Variants in WDR72 observed in about 807,000 individuals in gnomAD.
The protein encoded by WDR72 is WD repeat domain 72.
Under a neutral mutation model 124.2 loss-of-function variants are expected in WDR72, and 120 were observed. The ratio of observed to expected loss-of-function variants is 0.97; its 90% confidence interval spans 0.83 to 1.12. WDR72 has a LOEUF of 1.12. Ranked by LOEUF, WDR72 falls within the 50% of genes most tolerant of loss-of-function variation. WDR72 has a pLI of 0.00. For missense variants in WDR72, 1,387 were observed against 1,278.8 expected, an observed-to-expected ratio of 1.08 and a Z score of -1.29; for synonymous variants, 452 against 441.7, an observed-to-expected ratio of 1.02 and a Z score of -0.29.
chr15:53,552,927 G>C (rs947126570), intron 18 of WDR72, among the ~76,000 whole-genome samples: 4 of 152,046 alleles, frequency 2.6e-5, no homozygotes, highest in Non-Finnish European at 5.9e-5. Flanking sequence ...GAGCTCTATA[G>C]GAAGCGGTGG....
At chr15:53,648,959 G>A (rs2015140393) in intron 14 of WDR72, among the ~76,000 whole-genome samples, 1 of 149,710 alleles carries the variant, frequency 6.7e-6, no homozygotes, top group South Asian at 2.1e-4. Flanking sequence ...CTCCCAAATT[G>A]AGCAAAACCA....
chr15:53,681,142 T>C (rs1377952182), intron 13 of WDR72, among the ~76,000 whole-genome samples: 2 of 152,192 alleles, frequency 1.3e-5, no homozygotes. Flanking sequence ...GCATCCAGTA[T>C]CCTTTATCTC....
At chr15:53,728,462 T>C (rs2018106660) in intron 2 of WDR72, among the ~76,000 whole-genome samples, 2 of 152,168 alleles carry the variant, frequency 1.3e-5, no homozygotes, top group Non-Finnish European at 2.9e-5. Flanking sequence ...AGAGTAGTGT[T>C]TAAATCCCCA....
intron 6 of WDR72, 126 bp downstream of exon 6, chr15:53,714,308 T>C (rs900949070): frequency 1.9e-5 from 15 of 800,698 alleles, no homozygotes; most frequent in Middle Eastern, 3.0e-4. Context: ...TATATGGAAG[T>C]AGAATTTATA....
chr15:53,530,728 A>T (rs929412603), intron 18 of WDR72, among the ~76,000 whole-genome samples: 1 of 152,088 alleles, frequency 6.6e-6, no homozygotes, highest in African/African-American at 2.4e-5. Context: ...AGCATTTGAG[A>T]CTAGAGATAA....
At chr15:53,698,964 CAT>C (rs1239337976) in intron 13 of WDR72, among the ~76,000 whole-genome samples, 2 of 152,192 alleles carry the variant, frequency 1.3e-5, no homozygotes, top group African/African-American at 4.8e-5. Context: ...ATCACTTACA[CAT>C]GACAGTAAAA....
intron 1 of WDR72, among the ~76,000 whole-genome samples, chr15:53,758,541 A>G (rs147012396): frequency 6.6e-6 from 1 of 151,878 alleles, no homozygotes; most frequent in African/African-American, 2.4e-5. Flanking sequence ...GATGTTTACA[A>G]AAAAAAAGCT....
chr15:53,753,958 T>C (rs979685877), intron 1 of WDR72, among the ~76,000 whole-genome samples: 6 of 152,254 alleles, frequency 3.9e-5, no homozygotes, highest in Non-Finnish European at 8.8e-5. Context: ...TCAAAGCCCA[T>C]ACCACTTCTT....
chr15:53,673,654 T>G (rs1056360664), intron 13 of WDR72, among the ~76,000 whole-genome samples: 1 of 152,120 alleles, frequency 6.6e-6, no homozygotes, highest in Non-Finnish European at 1.5e-5. Context: ...ATATTCTGCT[T>G]ATTATTGGAT....
chr15:53,683,890 C>A (rs983463311), intron 13 of WDR72, among the ~76,000 whole-genome samples: 3 of 152,058 alleles, frequency 2.0e-5, no homozygotes, highest in African/African-American at 4.8e-5. Flanking sequence ...TTGAGTAATT[C>A]AAAATCTCTT....
intron 18 of WDR72, among the ~76,000 whole-genome samples, chr15:53,541,269 G>A (rs372475045): frequency 3.3e-5 from 5 of 152,178 alleles, no homozygotes; most frequent in South Asian, 2.1e-4. Context: ...GAGAGCAGTG[G>A]TTCTCCCAGT....
At chr15:53,566,515 T>C (rs1490802420) in intron 18 of WDR72, among the ~76,000 whole-genome samples, 3 of 151,900 alleles carry the variant, frequency 2.0e-5, no homozygotes, top group Non-Finnish European at 4.4e-5. Flanking sequence ...CAGTGGGAGA[T>C]ATCTACTGCC....
At chr15:53,666,038 A>T (rs2015768848) in intron 13 of WDR72, among the ~76,000 whole-genome samples, 1 of 152,206 alleles carries the variant, frequency 6.6e-6, no homozygotes, top group African/African-American at 2.4e-5. Context: ...CTTTAATAGT[A>T]AAATCTCTTA....
At chr15:53,678,423 A>T (rs1020310193) in intron 13 of WDR72, among the ~76,000 whole-genome samples, 1 of 152,192 alleles carries the variant, frequency 6.6e-6, no homozygotes, top group Non-Finnish European at 1.5e-5. Context: ...TATAGCCAGT[A>T]GTCTTTGGTG....
At chr15:53,701,155 G>A (rs190096246) in intron 12 of WDR72, among the ~76,000 whole-genome samples, 232 of 152,150 alleles carry the variant, frequency 1.5e-3, no homozygotes, top group Admixed American at 3.1e-3. Flanking sequence ...TACCTAAAGC[G>A]ATTTCATTTT....
intron 3 of WDR72, among the ~76,000 whole-genome samples, chr15:53,721,172 G>T (rs1354517147): frequency 6.6e-6 from 1 of 152,120 alleles, no homozygotes; most frequent in Non-Finnish European, 1.5e-5. Context: ...CTTGGTGAAG[G>T]AGGACAGCTA....
At chr15:53,712,263 T>A (rs1172550136) in intron 7 of WDR72, among the ~76,000 whole-genome samples, 1 of 152,146 alleles carries the variant, frequency 6.6e-6, no homozygotes, top group Admixed American at 6.5e-5. Context: ...ATATTAAATA[T>A]GTAGTAGTAT....
At chr15:53,590,215 C>T (rs1228495362) in intron 18 of WDR72, among the ~76,000 whole-genome samples, 2 of 151,844 alleles carry the variant, frequency 1.3e-5, no homozygotes, top group Non-Finnish European at 2.9e-5. Flanking sequence ...TCCCCTGTAC[C>T]CCCAACCCTT....
At chr15:53,553,780 A>G (rs1334154705) in intron 18 of WDR72, among the ~76,000 whole-genome samples, 1 of 152,182 alleles carries the variant, frequency 6.6e-6, no homozygotes, top group African/African-American at 2.4e-5. Context: ...ATTAAGCTAT[A>G]TGGATATTTG....
Sources: allele counts gnomAD v4.1 joint callset (sites outside exome capture counted in the v4.1 genomes callset), GRCh38; gene constraint gnomAD v4.1.1; transcripts MANE v1.5; gene names NCBI Gene and HGNC (gene_info 2026-07-23, HGNC 2026-07-21).